Variants in EHBP1 observed in about 807,000 individuals in gnomAD.
The protein encoded by EHBP1 is EH domain-binding protein 1.
Under a neutral mutation model 144.0 loss-of-function variants are expected in EHBP1, and 55 were observed. The ratio of observed to expected loss-of-function variants is 0.38; its 90% confidence interval spans 0.31 to 0.48. The LOEUF (loss-of-function observed/expected upper bound fraction) is 0.48. EHBP1 is among the 20% of genes least tolerant of loss of function. EHBP1 has a pLI of 0.98. For synonymous variants in EHBP1, 469 were observed against 472.7 expected (o/e 0.99, Z 0.10); for missense variants, 1,200 against 1,364.2 (o/e 0.88, Z 1.90).
intron 10 of EHBP1, among the ~76,000 whole-genome samples, chr2:62,879,027 A>C (rs1339175262): frequency 6.6e-6 from 1 of 152,048 alleles, no homozygotes; most frequent in Non-Finnish European, 1.5e-5. Flanking sequence ...CAAAAAAAAA[A>C]AAAACAAAAA....
intron 5 of EHBP1, among the ~76,000 whole-genome samples, chr2:62,814,780 A>T (rs1369134406): frequency 2.0e-5 from 3 of 152,224 alleles, no homozygotes; most frequent in Non-Finnish European, 1.5e-5. Flanking sequence ...ATTCCAATAA[A>T]ATAAATTTGA....
chr2:63,043,574 G>T (rs1261356720), intron 21 of EHBP1, among the ~76,000 whole-genome samples: 3 of 152,130 alleles, frequency 2.0e-5, no homozygotes, highest in Non-Finnish European at 2.9e-5. Context: ...ATTGCATGAT[G>T]ATGCATCTAA....
At chr2:62,802,955 C>T (rs940066543) in intron 5 of EHBP1, among the ~76,000 whole-genome samples, 21 of 152,084 alleles carry the variant, frequency 1.4e-4, no homozygotes, top group African/African-American at 5.1e-4. Context: ...GAACTCCTGA[C>T]CTCAGGTGAT....
chr2:63,012,328 T>G (rs2153234222), intron 19 of EHBP1, among the ~76,000 whole-genome samples: 1 of 152,180 alleles, frequency 6.6e-6, no homozygotes, highest in East Asian at 1.9e-4. Flanking sequence ...CACCAGATTA[T>G]TCATATACTA....
chr2:62,835,867 A>G (rs1334426396), intron 7 of EHBP1, among the ~76,000 whole-genome samples: 1 of 152,144 alleles, frequency 6.6e-6, no homozygotes, highest in Non-Finnish European at 1.5e-5. Flanking sequence ...GCTGATTGCT[A>G]GCACAGCAGT....
chr2:62,769,627 A>G (rs749400830), intron 4 of EHBP1, among the ~76,000 whole-genome samples: 5 of 152,128 alleles, frequency 3.3e-5, no homozygotes, highest in African/African-American at 4.8e-5. Context: ...CAAACCACCA[A>G]TGACATTCTT....
intron 2 of EHBP1, among the ~76,000 whole-genome samples, chr2:62,720,594 G>A (rs977996060): frequency 2.0e-5 from 3 of 152,174 alleles, no homozygotes; most frequent in Admixed American, 6.5e-5. Context: ...TAGATATCAA[G>A]TTTAATGGTT....
rs147797456 is a variant in EHBP1, at chr2:62,831,858, T to A, written c.634+700T>A. Among the ~76,000 whole-genome samples, 30 of 152,336 alleles carry A rather than the reference T, an allele frequency of 2.0e-4. No individual in the cohort carries two copies. The East Asian group carries it at 5.8e-3, about 29-fold the overall frequency. On this transcript the variant is annotated intron_variant, in intron 7 of 22. Transcript: ENST00000431489. ...CTTCTATCATCTGTTTACCTCCTGG[T>A]GATTTTTTCAAATTCATTTGGGCAC...
At chr2:62,871,022 G>C (rs1463827437) in intron 9 of EHBP1, among the ~76,000 whole-genome samples, 3 of 152,088 alleles carry the variant, frequency 2.0e-5, no homozygotes, top group Admixed American at 2.0e-4. Context: ...ATGGGGGGTT[G>C]AAAAGTTGGC....
In EHBP1 at chr2:62,764,202, T is replaced by C. The variant is rs1241302383; in HGVS notation, c.163-64T>C. 3 of 1,176,480 alleles carry C rather than the reference T, an allele frequency of 2.5e-6. No homozygotes were observed. In the African/African-American group the frequency reaches 4.8e-5, roughly 19 times the overall value. 72.9% of individuals were successfully genotyped at this position (1,176,480 alleles called of 1,614,324 possible). The stretch of plus-strand genomic sequence containing the variant: ...TCATATTGAAGGTATCATTTTATTC[T>C]GGTAAATTACTAACATTGCATTTCC... On this transcript the variant is annotated intron_variant, in intron 3 of 22. Coordinates refer to ENST00000431489, the MANE Select transcript of EHBP1 (RefSeq NM_001142616.3).
chr2:62,676,497 T>C (rs900087538), intron 1 of EHBP1, among the ~76,000 whole-genome samples: 5 of 152,338 alleles, frequency 3.3e-5, no homozygotes, highest in Admixed American at 2.0e-4. Flanking sequence ...TGATTCACTC[T>C]GGGGGACTGT....
intron 3 of EHBP1, among the ~76,000 whole-genome samples, chr2:62,758,205 T>C (rs1316869035): frequency 6.6e-6 from 1 of 152,012 alleles, no homozygotes; most frequent in Non-Finnish European, 1.5e-5. Flanking sequence ...ACCTTTCAGG[T>C]TCAAGCAATT....
chr2:62,920,659 C>T (rs569195936), intron 10 of EHBP1, among the ~76,000 whole-genome samples: 1 of 151,348 alleles, frequency 6.6e-6, no homozygotes, highest in East Asian at 1.9e-4. Context: ...TCTGATTAAT[C>T]ATATTTTTTT....
intron 1 of EHBP1, among the ~76,000 whole-genome samples, chr2:62,693,603 AT>A (rs771035238): frequency 2.0e-5 from 3 of 152,150 alleles, no homozygotes; most frequent in Non-Finnish European, 4.4e-5. Context: ...CACCTCAAAT[AT>A]TTATCATTTC....
intron 21 of EHBP1, among the ~76,000 whole-genome samples, chr2:63,040,428 A>C (rs1475186674): frequency 3.3e-5 from 5 of 152,178 alleles, no homozygotes; most frequent in Non-Finnish European, 7.3e-5. Flanking sequence ...TAAATAATTC[A>C]ATTTCCTCAG....
chr2:62,948,308 T>G lies in EHBP1; in HGVS notation c.1462T>G (p.Ser488Ala), dbSNP rs145188131. ...SIGISRLLEP[S>A]DMVLLAIPDK... is the part of the protein sequence containing the mutation. Reference sequence around the variant, plus strand: ...AGGAATTTCCCGATTATTGGAACCTTCTGATATGGTATTATTAGCAATTCC... The same window carrying G: ...AGGAATTTCCCGATTATTGGAACCTGCTGATATGGTATTATTAGCAATTCC... Residue 488 changes from serine to alanine, a missense_variant, in exon 13 of 23, where the codon TCT (serine) becomes GCT (alanine). Ser to Ala is a moderately conservative substitution (Grantham distance 99). This residue lies in a region of EHBP1 where 94 missense variants were observed against 143.0 expected (regional missense o/e 0.66). Transcript: ENST00000431489. 41 of 1,601,792 alleles carry G rather than the reference T, an allele frequency of 2.6e-5. No individual in the cohort carries two copies. The highest frequency in any genetic ancestry group is 3.3e-5 in the Non-Finnish European group (39 of 1,174,558).
chr2:63,010,822 G>C (rs1374414544), intron 19 of EHBP1, among the ~76,000 whole-genome samples: 1 of 151,550 alleles, frequency 6.6e-6, no homozygotes, highest in Admixed American at 6.6e-5. Context: ...TCCTTAGTAG[G>C]ATTATTAACC....
chr2:62,888,079 A>G (rs756082708), intron 10 of EHBP1, among the ~76,000 whole-genome samples: 6 of 152,206 alleles, frequency 3.9e-5, no homozygotes, highest in Non-Finnish European at 7.4e-5. Flanking sequence ...AGAGAAATTT[A>G]TAAGACACAA....
chr2:62,693,348 C>G (rs1295976515), intron 1 of EHBP1, among the ~76,000 whole-genome samples: 1 of 152,082 alleles, frequency 6.6e-6, no homozygotes. Flanking sequence ...CTCCAATATA[C>G]TGATTTCCTG....
Sources: allele counts gnomAD v4.1 joint callset (sites outside exome capture counted in the v4.1 genomes callset), GRCh38; gene constraint gnomAD v4.1.1; regional missense constraint gnomAD v4.1.1; transcripts MANE v1.5; gene names NCBI Gene and HGNC (gene_info 2026-07-23, HGNC 2026-07-21).